The following PRKN variants were observed in gnomAD, a reference collection of about 807,000 sequenced individuals.
PRKN encodes the protein E3 ubiquitin-protein ligase parkin.
In PRKN, 56 loss-of-function variants were observed where a neutral mutation model predicts 59.5. That is an observed-to-expected ratio of 0.94 (90% CI 0.76 to 1.18). PRKN has a LOEUF of 1.18. Among genes scored for constraint, PRKN ranks in the 50% most tolerant of loss-of-function variants. The pLI is 0.00. For synonymous variants in PRKN, 250 were observed against 222.1 expected (o/e 1.13, Z -1.12); for missense variants, 657 against 596.4 (o/e 1.10, Z -1.06).
At chr6:162,468,133 A>G (rs550839460) in intron 1 of PRKN, among the ~76,000 whole-genome samples, 2 of 152,300 alleles carry the variant, frequency 1.3e-5, no homozygotes, top group East Asian at 3.9e-4. Context: ...TTGCCTCTGT[A>G]TATTCACAGG....
chr6:162,413,346 G>A (rs1166685468), intron 2 of PRKN, among the ~76,000 whole-genome samples: 4 of 152,144 alleles, frequency 2.6e-5, no homozygotes, highest in African/African-American at 7.2e-5. Context: ...TGAGTTATGA[G>A]GGAGCGGTCT....
At chr6:162,715,181 T>C (rs1003827215) in intron 1 of PRKN, among the ~76,000 whole-genome samples, 1 of 152,136 alleles carries the variant, frequency 6.6e-6, no homozygotes, top group Admixed American at 6.5e-5. Flanking sequence ...CAAAGATAAA[T>C]GAAGTGGGGC....
chr6:161,413,957 C>G lies in PRKN; in HGVS notation c.1084-27080G>C, dbSNP rs4708909. On this transcript the variant is annotated intron_variant, in intron 9 of 11. Transcript: ENST00000366898. The surrounding 1 kb of genome is among the most constrained non-coding windows in gnomAD (Gnocchi z 4.4). ...GGAAAGGGAAGCGAGGCAGAGGTGGCAGAAAGAGATGATAACTCCAGGAAG... is the reference window on the plus strand; with the variant it reads ...GGAAAGGGAAGCGAGGCAGAGGTGGGAGAAAGAGATGATAACTCCAGGAAG... 0.42 allele frequency among the ~76,000 whole-genome samples: 64,436 copies of G among 151,732 alleles called. 14,523 individuals carry two copies. The highest frequency in any genetic ancestry group is 0.86 in the East Asian group (4,445 of 5,144).
At position 162,054,251 on chromosome 6, in the gene PRKN, G is replaced by A. The variant is rs41268561; in HGVS notation, c.535-77C>T. The A allele has an allele frequency of 0.072, 64,773 of 901,596 alleles. 3,964 individuals are homozygous for A. The highest frequency in any genetic ancestry group is 0.27 in the African/African-American group (15,992 of 60,320). The allele number at this position is 901,596 out of a possible 1,614,324, so 55.8% of individuals were successfully genotyped here. ...CTCCTTAAGACATGTTTCCACTTATGTTATAAAATAATAGTGAAATTAGTG... is the reference window on the plus strand; with the variant it reads ...CTCCTTAAGACATGTTTCCACTTATATTATAAAATAATAGTGAAATTAGTG... On this transcript the variant is annotated intron_variant, in intron 4 of 11. Coordinates refer to ENST00000366898, the MANE Select transcript of PRKN (RefSeq NM_004562.3).
chr6:162,580,332 G>T (rs1780739815), intron 1 of PRKN, among the ~76,000 whole-genome samples: 1 of 151,944 alleles, frequency 6.6e-6, no homozygotes, highest in Non-Finnish European at 1.5e-5. Flanking sequence ...CGGCTACTTG[G>T]AAGGCTGAGG....
chr6:161,899,564 A>T (rs1777804384), intron 6 of PRKN, among the ~76,000 whole-genome samples: 2 of 152,098 alleles, frequency 1.3e-5, no homozygotes, highest in Admixed American at 1.3e-4. Flanking sequence ...ATATTTTTCC[A>T]TTTGCTACGG....
At chr6:162,216,391 G>A (rs898349493) in intron 3 of PRKN, among the ~76,000 whole-genome samples, 8 of 151,166 alleles carry the variant, frequency 5.3e-5, no homozygotes, top group Admixed American at 2.6e-4. Flanking sequence ...TTAGCCGGGC[G>A]CGGTGGCGGG....
chr6:161,975,308 T>C (rs1207712286), intron 5 of PRKN, among the ~76,000 whole-genome samples: 3 of 152,070 alleles, frequency 2.0e-5, no homozygotes, highest in African/African-American at 7.2e-5. Context: ...GGTCCTGATC[T>C]CCTGACCTCG....
At chr6:161,721,443 G>C (rs1787216524) in intron 7 of PRKN, among the ~76,000 whole-genome samples, 1 of 152,130 alleles carries the variant, frequency 6.6e-6, no homozygotes, top group Non-Finnish European at 1.5e-5. Flanking sequence ...TCAAGGGCCA[G>C]CCCTCCTGAC....
chr6:161,431,745 T>C (rs1225163136), intron 9 of PRKN, among the ~76,000 whole-genome samples: 1 of 152,056 alleles, frequency 6.6e-6, no homozygotes, highest in Admixed American at 6.6e-5. Flanking sequence ...CCCGAGTAGC[T>C]GGGATTACAG....
chr6:161,398,409 A>G (rs1047233123), intron 9 of PRKN, among the ~76,000 whole-genome samples: 6 of 152,164 alleles, frequency 3.9e-5, no homozygotes, highest in Admixed American at 6.6e-5. Context: ...ACCCAGGAGC[A>G]TGTCAGAAAA....
intron 4 of PRKN, among the ~76,000 whole-genome samples, chr6:162,194,180 T>A (rs763629853): frequency 6.6e-6 from 1 of 152,166 alleles, no homozygotes; most frequent in Non-Finnish European, 1.5e-5. Flanking sequence ...AAGAAAACGT[T>A]CTTAAGAAGA....
chr6:161,626,830 G>C (rs146346840), intron 7 of PRKN, among the ~76,000 whole-genome samples: 143 of 152,304 alleles, frequency 9.4e-4, no homozygotes, highest in African/African-American at 2.5e-3. Context: ...AATGACAAAG[G>C]CTTTGAGTCA....
In PRKN at chr6:161,440,995, G is replaced by A. The variant is rs1195193698; in HGVS notation, c.1084-54118C>T. ...GCAAAATCTCATTGGTAAAGAGAGA[G>A]AGGATTTTCCTAACAAAAATGTTCT... On this transcript the variant is annotated intron_variant, in intron 9 of 11. Coordinates refer to ENST00000366898, the MANE Select transcript of PRKN (RefSeq NM_004562.3). This position sits in a 1 kb window ranked among gnomAD's most constrained non-coding sequence, Gnocchi z 4.1. 6.6e-6 allele frequency among the ~76,000 whole-genome samples: 1 copy of A among 152,220 alleles called. No individual in the cohort carries two copies. Among genetic ancestry groups the A allele is most frequent in the Admixed American group, 6.5e-5 (1 of 15,284 alleles).
At chr6:161,831,389 A>C (rs541841331) in intron 6 of PRKN, among the ~76,000 whole-genome samples, 9 of 152,338 alleles carry the variant, frequency 5.9e-5, no homozygotes, top group Non-Finnish European at 1.0e-4. Context: ...TCCTCCTCAC[A>C]TATCCAGCAC....
intron 2 of PRKN, among the ~76,000 whole-genome samples, chr6:162,374,230 T>C (rs1785922212): frequency 6.6e-6 from 1 of 152,198 alleles, no homozygotes; most frequent in Non-Finnish European, 1.5e-5. Flanking sequence ...ATTATAAACA[T>C]ATTCACACAG....
chr6:161,446,338 C>T lies in PRKN; in HGVS notation c.1084-59461G>A, dbSNP rs147909629. Among the ~76,000 whole-genome samples, 515 of 152,170 alleles carry T rather than the reference C, an allele frequency of 3.4e-3. 4 individuals are homozygous for T. The highest frequency in any genetic ancestry group is 0.012 in the African/African-American group (483 of 41,536). On this transcript the variant is annotated intron_variant, in intron 9 of 11. Coordinates refer to ENST00000366898, the MANE Select transcript of PRKN (RefSeq NM_004562.3). This position sits in a 1 kb window ranked among gnomAD's most constrained non-coding sequence, Gnocchi z 6.2. ...TGCTTGTAGGCCTTTGGGGAGGTTT[C>T]GAGGTCCAAGTGTGACTTAGAGGAA...
intron 4 of PRKN, among the ~76,000 whole-genome samples, chr6:162,141,629 T>C (rs1781784262): frequency 1.3e-5 from 2 of 152,328 alleles, no homozygotes; most frequent in East Asian, 1.9e-4. Flanking sequence ...AAATTACCCA[T>C]GGCAGTCAAT....
chr6:161,949,661 C>A (rs1399242109), intron 6 of PRKN, among the ~76,000 whole-genome samples: 1 of 152,236 alleles, frequency 6.6e-6, no homozygotes, highest in South Asian at 2.1e-4. Context: ...CTACAGCTTA[C>A]TTCCTACCCC....
Sources: gnomAD v4.1 joint callset for allele counts (sites outside exome capture counted in the v4.1 genomes callset) on GRCh38, gnomAD v4.1.1 for gene constraint, Gnocchi (gnomAD v3.1) non-coding constraint, MANE v1.5 for transcripts, NCBI Gene and HGNC (gene_info 2026-07-23, HGNC 2026-07-21) for gene names.